The following LNX1 variants were observed in gnomAD, a reference collection of about 807,000 sequenced individuals.
LNX1 encodes the protein ligand of numb-protein X 1, also known as E3 ubiquitin-protein ligase LNX.
LNX1 carries 54 observed loss-of-function variants against 68.4 expected under a neutral mutation model. The ratio of observed to expected loss-of-function variants is 0.79; its 90% CI spans 0.63 to 0.99. The LOEUF (loss-of-function observed/expected upper bound fraction) is 0.99, where lower values mean the gene tolerates loss of function less well. Ranked by LOEUF, LNX1 falls within the 50% of genes least tolerant of loss-of-function variation. LNX1 has a pLI of 0.00. For missense variants in LNX1, 906 were observed against 926.4 expected, an observed-to-expected ratio of 0.98 and a Z score of 0.29; for synonymous variants, 336 against 350.0, an observed-to-expected ratio of 0.96 and a Z score of 0.45.
rs1031790295 is a variant in LNX1, at chr4:53,591,474, C to T, written c.-173G>A. The stretch of plus-strand genomic sequence containing the variant: ...TGGGTGAACCGAGCAGCTCCTTGGG[C>T]CGCCGGAGTTGTGACCAGCCTCAAC... On this transcript the variant is annotated 5_prime_UTR_variant, in exon 1 of 11. Transcript: ENST00000263925. 6.1e-6 allele frequency: 6 copies of T among 985,492 alleles called. No homozygotes were observed. The African/African-American group carries it at 1.0e-4, about 17-fold the overall frequency. The allele number at this position is 985,492 out of a possible 1,614,324, so 61.0% of individuals were successfully genotyped here.
At position 53,460,229 on chromosome 4, in the gene LNX1, A is replaced by AGTT. The variant is rs1420876436; in HGVS notation, c.*675_*677dup. 1 of 194,018 alleles carries AGTT rather than the reference A, an allele frequency of 5.2e-6. No individual in the cohort carries two copies. The highest frequency in any genetic ancestry group is 1.1e-5 in the Non-Finnish European group (1 of 93,194). 12.0% of individuals were successfully genotyped at this position (194,018 alleles called of 1,614,324 possible). The stretch of plus-strand genomic sequence containing the variant: ...GGTGGAGCAGCATGAGTTTTTATAC[A>AGTT]GTTACTAACGATTGTGGAAAAAAAG... On this transcript the variant is annotated 3_prime_UTR_variant, in exon 11 of 11. Transcript: ENST00000263925.
intron 1 of LNX1, 79 bp from the exon 2 acceptor site, chr4:53,574,167 T>C: frequency 1.9e-6 from 2 of 1,053,420 alleles, no homozygotes; most frequent in Non-Finnish European, 2.6e-6. Context: ...GAGACAGGGC[T>C]GCCAATGCAT....
At chr4:53,562,713 G>A (rs985008884) in intron 2 of LNX1, among the ~76,000 whole-genome samples, 2 of 152,140 alleles carry the variant, frequency 1.3e-5, no homozygotes, top group Admixed American at 6.5e-5. Flanking sequence ...TTTGTACAAC[G>A]AGGTGATTAT....
upstream of LNX1, among the ~76,000 whole-genome samples, chr4:53,592,102 A>G (rs1354104960): frequency 6.8e-6 from 1 of 147,314 alleles, no homozygotes; most frequent in Non-Finnish European, 1.5e-5. Flanking sequence ...CCCGCCCAGC[A>G]TTTTTAATTC....
At chr4:53,472,887 A>G (rs1428962954) in intron 9 of LNX1, among the ~76,000 whole-genome samples, 1 of 152,070 alleles carries the variant, frequency 6.6e-6, no homozygotes, top group Non-Finnish European at 1.5e-5. Context: ...AAGCTGGAAA[A>G]GGCTAAGGTG....
intron 1 of LNX1, among the ~76,000 whole-genome samples, chr4:53,580,504 C>A (rs1374165482): frequency 6.6e-6 from 1 of 152,212 alleles, no homozygotes; most frequent in African/African-American, 2.4e-5. Flanking sequence ...CACTTTCTTG[C>A]AGCAATAGCA....
intron 1 of LNX1, among the ~76,000 whole-genome samples, chr4:53,650,104 G>A (rs1388707477): frequency 6.6e-6 from 1 of 152,168 alleles, no homozygotes; most frequent in Non-Finnish European, 1.5e-5. Flanking sequence ...AATGGAATGA[G>A]CCTGGCTTCT....
chr4:53,626,918 T>C (rs1334826351), intron 1 of LNX1, among the ~76,000 whole-genome samples: 1 of 152,210 alleles, frequency 6.6e-6, no homozygotes, highest in African/African-American at 2.4e-5. Context: ...GCATTGCTGT[T>C]TAGCCTGGGA....
At chr4:53,623,292 C>T (rs911833026) in intron 1 of LNX1, among the ~76,000 whole-genome samples, 4 of 151,720 alleles carry the variant, frequency 2.6e-5, no homozygotes, top group African/African-American at 9.7e-5. Flanking sequence ...CAACCTCCTC[C>T]TCCCAGGCTC....
At chr4:53,521,986 G>A (rs1577655480) in intron 2 of LNX1, among the ~76,000 whole-genome samples, 1 of 141,582 alleles carries the variant, frequency 7.1e-6, no homozygotes, top group African/African-American at 2.6e-5. Flanking sequence ...TAATTTTTTT[G>A]TAGAGACTAT....
At chr4:53,570,789 A>T (rs1731101227) in intron 2 of LNX1, among the ~76,000 whole-genome samples, 1 of 151,620 alleles carries the variant, frequency 6.6e-6, no homozygotes, top group African/African-American at 2.4e-5. Context: ...GCACTTTGGG[A>T]GGCTGAGGCG....
intron 2 of LNX1, among the ~76,000 whole-genome samples, chr4:53,524,983 G>A (rs1215728694): frequency 1.3e-5 from 2 of 152,140 alleles, no homozygotes; most frequent in African/African-American, 4.8e-5. Context: ...GAGTCTTAGA[G>A]CGTAAAGATG....
intron 9 of LNX1, among the ~76,000 whole-genome samples, chr4:53,465,516 T>C (rs1722611218): frequency 6.6e-6 from 1 of 152,184 alleles, no homozygotes; most frequent in South Asian, 2.1e-4. Flanking sequence ...AGCAGCTGCT[T>C]TAATCTGGGG....
chr4:53,569,524 A>G (rs1299758624), intron 2 of LNX1, among the ~76,000 whole-genome samples: 1 of 134,130 alleles, frequency 7.5e-6, no homozygotes, highest in Non-Finnish European at 1.6e-5. Flanking sequence ...AAGATGGATT[A>G]AAGACTTAAA....
At chr4:53,581,412 T>G (rs1731830912) in intron 1 of LNX1, among the ~76,000 whole-genome samples, 1 of 152,186 alleles carries the variant, frequency 6.6e-6, no homozygotes, top group Non-Finnish European at 1.5e-5. Context: ...CACTCATCAT[T>G]TTTTCCAAAA....
In LNX1 at chr4:53,599,872, AT is replaced by A. The variant is rs1462878739; in HGVS notation, c.-214-8358del. ...CTGAGTGGGTAGAAAGACTATGTAT[AT>A]TTCAGATATGGTCTCAGTTTCGTGC... On this transcript the variant is annotated intron_variant, in intron 2 of 3. Coordinates refer to the LNX1 transcript ENST00000504299. Among the ~76,000 whole-genome samples, 4 of 152,168 alleles carry A rather than the reference AT, an allele frequency of 2.6e-5. No individual in the cohort carries two copies. In the East Asian group the frequency reaches 7.7e-4, roughly 29 times the overall value.
intron 2 of LNX1, among the ~76,000 whole-genome samples, chr4:53,527,939 A>T (rs1727742034): frequency 6.6e-6 from 1 of 152,224 alleles, no homozygotes. Flanking sequence ...TTATGGTCTA[A>T]TAAAGTTTAC....
intron 2 of LNX1, among the ~76,000 whole-genome samples, chr4:53,571,610 A>C: frequency 6.6e-6 from 1 of 151,136 alleles, no homozygotes; most frequent in Non-Finnish European, 1.5e-5. Flanking sequence ...CCTCAATGTT[A>C]GTCCACCGAG....
intron 1 of LNX1, among the ~76,000 whole-genome samples, chr4:53,637,041 A>T (rs1001356749): frequency 2.0e-5 from 3 of 151,894 alleles, no homozygotes; most frequent in Non-Finnish European, 2.9e-5. Context: ...TTAGGACTGA[A>T]TTACCGCCTC....
Sources: allele counts gnomAD v4.1 joint callset (sites outside exome capture counted in the v4.1 genomes callset), GRCh38; gene constraint gnomAD v4.1.1; transcripts MANE v1.5; gene names NCBI Gene and HGNC (gene_info 2026-07-23, HGNC 2026-07-21).